CNTN5: variants seen among roughly 807,000 people sequenced by gnomAD.
The protein encoded by CNTN5 is contactin 5.
Under a neutral mutation model 129.1 loss-of-function variants are expected in CNTN5, and 77 were observed. That is an observed-to-expected ratio of 0.60 (90% CI 0.50 to 0.72). The LOEUF (loss-of-function observed/expected upper bound fraction) is 0.72, where lower values mean the gene tolerates loss of function less well. Ranked by LOEUF, CNTN5 falls within the 30% of genes least tolerant of loss-of-function variation. The probability of loss-of-function intolerance (pLI) is 0.00; values close to 1 mark genes in which losing one functional copy is unlikely to be tolerated. For synonymous variants in CNTN5, 509 were observed against 465.6 expected (o/e 1.09, Z -1.20); for missense variants, 1,478 against 1,328.8 (o/e 1.11, Z -1.75).
chr11:99,976,934 C>T (rs147422890), intron 8 of CNTN5, among the ~76,000 whole-genome samples: 13 of 152,292 alleles, frequency 8.5e-5, no homozygotes, highest in African/African-American at 2.9e-4. Flanking sequence ...ATTTTCCAAG[C>T]GTTTATTTTC....
chr11:99,619,227 T>G (rs1403669983), intron 3 of CNTN5, among the ~76,000 whole-genome samples: 1 of 152,098 alleles, frequency 6.6e-6, no homozygotes, highest in Non-Finnish European at 1.5e-5. Context: ...ACAATGTTAT[T>G]TATATATCCT....
chr11:99,682,372 T>C (rs1021878297), intron 3 of CNTN5, among the ~76,000 whole-genome samples: 5 of 151,840 alleles, frequency 3.3e-5, no homozygotes, highest in African/African-American at 1.2e-4. Context: ...CAAAGAATAC[T>C]ACTAAAAATG....
intron 2 of CNTN5, among the ~76,000 whole-genome samples, chr11:99,523,799 C>T (rs923115279): frequency 8.5e-5 from 13 of 152,068 alleles, no homozygotes; most frequent in African/African-American, 2.9e-4. Flanking sequence ...ATTGAGCAAA[C>T]ATAGAACAGA....
chr11:99,844,697 A>C, intron 4 of CNTN5, 155 bp from the exon 5 acceptor site: 2 of 646,920 alleles, frequency 3.1e-6, no homozygotes, highest in Non-Finnish European at 2.6e-6. Context: ...TAATAAAACA[A>C]TGCAGTTTTC....
intron 3 of CNTN5, among the ~76,000 whole-genome samples, chr11:99,641,037 A>G (rs1951753052): frequency 6.6e-6 from 1 of 152,246 alleles, no homozygotes; most frequent in South Asian, 2.1e-4. Flanking sequence ...TGGAGGAGAC[A>G]TGAAATGTAA....
intron 1 of CNTN5, among the ~76,000 whole-genome samples, chr11:99,051,216 A>C (rs1591107785): frequency 6.6e-6 from 1 of 151,936 alleles, no homozygotes; most frequent in East Asian, 1.9e-4. Flanking sequence ...TATAAGGTGG[A>C]TCTTCTTTTT....
At chr11:99,176,312 C>T (rs1246274726) in intron 1 of CNTN5, among the ~76,000 whole-genome samples, 1 of 152,072 alleles carries the variant, frequency 6.6e-6, no homozygotes, top group East Asian at 1.9e-4. Context: ...TTCCTGTTCT[C>T]TGTGCTACCT....
At chr11:99,772,328 G>C (rs887068975) in intron 3 of CNTN5, among the ~76,000 whole-genome samples, 1 of 152,166 alleles carries the variant, frequency 6.6e-6, no homozygotes, top group Non-Finnish European at 1.5e-5. Context: ...CGGAATGTAT[G>C]TAAGGTGGCG....
intron 2 of CNTN5, among the ~76,000 whole-genome samples, chr11:99,413,668 A>G (rs1430735312): frequency 1.3e-5 from 2 of 152,088 alleles, no homozygotes; most frequent in East Asian, 1.9e-4. Context: ...AACAAAAAAG[A>G]TTTCACCAGA....
chr11:100,086,781 C>T (rs1944574305), intron 13 of CNTN5, among the ~76,000 whole-genome samples: 1 of 151,114 alleles, frequency 6.6e-6, no homozygotes, highest in South Asian at 2.1e-4. Context: ...TATATCAATA[C>T]AAGAAAAACA....
chr11:99,796,653 T>C (rs1945952062), intron 3 of CNTN5, among the ~76,000 whole-genome samples: 1 of 151,412 alleles, frequency 6.6e-6, no homozygotes, highest in Non-Finnish European at 1.5e-5. Context: ...AGGGGGCTGC[T>C]CTGGTAGAAC....
chr11:99,639,856 G>C (rs187472272), intron 3 of CNTN5, among the ~76,000 whole-genome samples: 3 of 152,116 alleles, frequency 2.0e-5, no homozygotes, highest in Admixed American at 2.0e-4. Context: ...GAGCCACCAC[G>C]TCAGTCCCAA....
chr11:99,976,380 C>T (rs1276480901), intron 8 of CNTN5, among the ~76,000 whole-genome samples: 1 of 152,214 alleles, frequency 6.6e-6, no homozygotes, highest in Admixed American at 6.5e-5. Context: ...GGCAGCATCC[C>T]AGTGGGGACT....
At chr11:99,921,585 A>G (rs568329876) in intron 7 of CNTN5, among the ~76,000 whole-genome samples, 72 of 152,112 alleles carry the variant, frequency 4.7e-4, no homozygotes, top group Non-Finnish European at 9.6e-4. Context: ...ATTTTTCTCC[A>G]TAATGCTCCT....
At chr11:99,452,579 A>G (rs1944347682) in intron 2 of CNTN5, among the ~76,000 whole-genome samples, 1 of 152,002 alleles carries the variant, frequency 6.6e-6, no homozygotes, top group Non-Finnish European at 1.5e-5. Flanking sequence ...TCACTGTGTT[A>G]GCCAGGATGG....
chr11:99,957,858 CGT>C (rs754110469), intron 8 of CNTN5, among the ~76,000 whole-genome samples: 8,374 of 148,430 alleles, frequency 0.056, 400 homozygotes, highest in African/African-American at 0.13. Context: ...TTGTTGTTTG[CGT>C]GTGTGTGTGT....
At chr11:99,392,806 A>C (rs752629119) in intron 2 of CNTN5, among the ~76,000 whole-genome samples, 1 of 151,948 alleles carries the variant, frequency 6.6e-6, no homozygotes, top group Non-Finnish European at 1.5e-5. Context: ...AAGAAAGAAT[A>C]AAGACATATT....
intron 1 of CNTN5, among the ~76,000 whole-genome samples, chr11:99,123,488 G>C (rs994527981): frequency 6.6e-6 from 1 of 151,862 alleles, no homozygotes; most frequent in Non-Finnish European, 1.5e-5. Context: ...CCATTCTGTA[G>C]GTTTTCTGTT....
chr11:99,217,326 A>G (rs1183812869), intron 1 of CNTN5, among the ~76,000 whole-genome samples: 1 of 152,224 alleles, frequency 6.6e-6, no homozygotes, highest in African/African-American at 2.4e-5. Flanking sequence ...GTTATATGTA[A>G]AAACTGTCAA....
Sources: gnomAD v4.1 joint callset for allele counts (sites outside exome capture counted in the v4.1 genomes callset) on GRCh38, gnomAD v4.1.1 for gene constraint, MANE v1.5 for transcripts, NCBI Gene and HGNC (gene_info 2026-07-23, HGNC 2026-07-21) for gene names.